The following RPH3A variants were observed in gnomAD, a reference collection of about 807,000 sequenced individuals.
RPH3A encodes the protein rabphilin-3A.
In RPH3A, 48 loss-of-function variants were observed where a neutral mutation model predicts 102.2. The ratio of observed to expected loss-of-function variants is 0.47; its 90% CI spans 0.37 to 0.60. The LOEUF (loss-of-function observed/expected upper bound fraction) is 0.60. RPH3A is among the 20% of genes least tolerant of loss of function. RPH3A has a pLI of 0.00. For missense variants in RPH3A, 781 were observed against 910.1 expected (o/e 0.86, Z 1.83); for synonymous variants, 310 against 324.3 (o/e 0.96, Z 0.47).
intron 1 of RPH3A, among the ~76,000 whole-genome samples, chr12:112,610,079 T>G (rs2039627458): frequency 6.6e-6 from 1 of 152,204 alleles, no homozygotes; most frequent in Admixed American, 6.5e-5. Context: ...TCTTCATCTC[T>G]ACTCTCCCCC....
At chr12:112,720,949 A>G (rs2040546208) in intron 1 of RPH3A, among the ~76,000 whole-genome samples, 1 of 145,920 alleles carries the variant, frequency 6.9e-6, no homozygotes, top group Non-Finnish European at 1.5e-5. Flanking sequence ...TGGGTTATGG[A>G]GTCAGAAAGA....
chr12:112,801,310 C>T (rs767420052), intron 2 of RPH3A, among the ~76,000 whole-genome samples: 28 of 152,162 alleles, frequency 1.8e-4, no homozygotes, highest in Admixed American at 5.9e-4. Flanking sequence ...GGGCCCTTGG[C>T]GGGGAAGGAG....
intron 1 of RPH3A, among the ~76,000 whole-genome samples, chr12:112,633,884 C>T (rs146626901): frequency 1.5e-3 from 234 of 152,286 alleles, no homozygotes; most frequent in Middle Eastern, 0.01. Flanking sequence ...TTAAAATCTC[C>T]ATTGTCTTCC....
Position 112,828,793 on chromosome 12 carries a change from T to A in RPH3A, c.71+404T>A, listed in dbSNP as rs967953752. On this transcript the variant is annotated intron_variant, in intron 3 of 21. Coordinates refer to ENST00000389385, the MANE Select transcript of RPH3A (RefSeq NM_001143854.2). ...AGATTACAAACTGGCAGACTCTGAC[T>A]TGCAGAAGTGTATGTGTAGGTTTTT... 2.0e-5 allele frequency among the ~76,000 whole-genome samples: 3 copies of A among 152,252 alleles called. No individual in the cohort carries two copies. In the East Asian group the frequency reaches 5.8e-4, roughly 29 times the overall value.
intron 1 of RPH3A, among the ~76,000 whole-genome samples, chr12:112,752,970 T>G (rs1223822644): frequency 9.5e-5 from 1 of 10,534 alleles, no homozygotes; most frequent in Non-Finnish European, 1.6e-4. Context: ...CCAGTTTTCT[T>G]TTTTTTTTTT....
intron 1 of RPH3A, among the ~76,000 whole-genome samples, chr12:112,771,690 G>A (rs2040928482): frequency 1.3e-5 from 2 of 152,166 alleles, no homozygotes; most frequent in Admixed American, 6.5e-5. Context: ...GAGTATCCAA[G>A]ATGGCTCACT....
intron 17 of RPH3A, among the ~76,000 whole-genome samples, chr12:112,889,498 AG>A (rs2043056919): frequency 6.6e-6 from 1 of 152,230 alleles, no homozygotes; most frequent in African/African-American, 2.4e-5. Flanking sequence ...TGTCCCACTG[AG>A]GGCCCCTCCC....
chr12:112,739,748 T>C (rs374889641), intron 1 of RPH3A, among the ~76,000 whole-genome samples: 91 of 152,318 alleles, frequency 6.0e-4, no homozygotes, highest in African/African-American at 2.1e-3. Context: ...CCACACTTCT[T>C]TGTCACTTGG....
intron 1 of RPH3A, among the ~76,000 whole-genome samples, chr12:112,647,234 C>T (rs1045690362): frequency 6.6e-6 from 1 of 152,134 alleles, no homozygotes; most frequent in Admixed American, 6.6e-5. Context: ...TACAACCCCA[C>T]CTCAAGCCAT....
chr12:112,875,149 C>T lies in RPH3A; in HGVS notation c.862C>T (p.Pro288Ser). ...CCCAGGCTCGGTGCAGAGCCCAGCG[C>T]CACCTCAGCCTGGGCAGCCAGGTAC... Reference protein sequence around the residue: ...PAPGSVQSPAPPQPGQPGTPG... With the variant: ...PAPGSVQSPASPQPGQPGTPG... The change falls in exon 11 of 22, where the codon CCA (proline) becomes TCA (serine). Residue 288 changes from proline to serine, a missense_variant. Transcript: ENST00000389385. 1.2e-6 allele frequency: 2 copies of T among 1,605,850 alleles called. No homozygotes were observed. Among genetic ancestry groups the T allele is most frequent in the Non-Finnish European group, 1.7e-6 (2 of 1,176,626 alleles).
chr12:112,743,262 C>G (rs916790011), intron 1 of RPH3A, among the ~76,000 whole-genome samples: 3 of 152,190 alleles, frequency 2.0e-5, no homozygotes, highest in Non-Finnish European at 2.9e-5. Flanking sequence ...ATTCTGCCTA[C>G]CGCAGCGTGG....
At chr12:112,796,562 G>A (rs189652486) in intron 2 of RPH3A, among the ~76,000 whole-genome samples, 2 of 152,244 alleles carry the variant, frequency 1.3e-5, no homozygotes, top group African/African-American at 4.8e-5. Flanking sequence ...TAGGTGCTCA[G>A]TTAGTATTGA....
At chr12:112,800,287 G>A (rs1457038056) in intron 2 of RPH3A, among the ~76,000 whole-genome samples, 2 of 152,136 alleles carry the variant, frequency 1.3e-5, no homozygotes, top group African/African-American at 4.8e-5. Flanking sequence ...GGAGGGATGA[G>A]CCACACCTGG....
chr12:112,618,318 TA>T (rs2039696701), intron 1 of RPH3A, among the ~76,000 whole-genome samples: 2 of 152,186 alleles, frequency 1.3e-5, no homozygotes, highest in Non-Finnish European at 2.9e-5. Context: ...GTCTCTTCCC[TA>T]AATTTCCTGT....
At chr12:112,606,944 G>A (rs1484776877) in intron 1 of RPH3A, among the ~76,000 whole-genome samples, 2 of 152,198 alleles carry the variant, frequency 1.3e-5, no homozygotes, top group Non-Finnish European at 2.9e-5. Flanking sequence ...AACCACATCA[G>A]CAAGCAACTT....
chr12:112,660,995 C>A (rs1377523045), intron 1 of RPH3A, among the ~76,000 whole-genome samples: 1 of 152,154 alleles, frequency 6.6e-6, no homozygotes, highest in Non-Finnish European at 1.5e-5. Flanking sequence ...AAGGAGTCTG[C>A]CTTCATTCCA....
intron 1 of RPH3A, among the ~76,000 whole-genome samples, chr12:112,582,610 C>T (rs2039407714): frequency 7.2e-6 from 1 of 138,954 alleles, no homozygotes; most frequent in South Asian, 2.9e-4. Context: ...CCATGTCCAG[C>T]TAGCTTTTTT....
At chr12:112,713,074 T>A (rs186553478) in intron 1 of RPH3A, among the ~76,000 whole-genome samples, 1,858 of 138,364 alleles carry the variant, frequency 0.013, 81 homozygotes, top group African/African-American at 0.047. Context: ...CTTCTTCTTC[T>A]TCTTCTTCTT....
chr12:112,881,370 C>G (rs1384715013), intron 14 of RPH3A, among the ~76,000 whole-genome samples: 1 of 152,208 alleles, frequency 6.6e-6, no homozygotes, highest in Non-Finnish European at 1.5e-5. Context: ...CTTTATTCTT[C>G]TGGGACATGT....
Sources: gnomAD v4.1 joint callset for allele counts (sites outside exome capture counted in the v4.1 genomes callset) on GRCh38, gnomAD v4.1.1 for gene constraint, MANE v1.5 for transcripts, NCBI Gene and HGNC (gene_info 2026-07-23, HGNC 2026-07-21) for gene names.